Variants in PCDH9 observed in about 807,000 individuals in gnomAD.
PCDH9 encodes protocadherin-9.
Under a neutral mutation model 70.6 loss-of-function variants are expected in PCDH9, and 24 were observed. The observed-to-expected ratio is 0.34, with a 90% CI of 0.25 to 0.48. The LOEUF (loss-of-function observed/expected upper bound fraction) is 0.48, where lower values mean the gene tolerates loss of function less well. Ranked by LOEUF, PCDH9 falls within the 20% of genes least tolerant of loss-of-function variation. The pLI is 0.99. For missense variants in PCDH9, 1,281 were observed against 1,503.6 expected (o/e 0.85, Z 2.45); for synonymous variants, 562 against 558.5 (o/e 1.01, Z -0.09).
At chr13:66,438,159 G>A (rs1046471593) in intron 4 of PCDH9, among the ~76,000 whole-genome samples, 4 of 151,644 alleles carry the variant, frequency 2.6e-5, no homozygotes, top group African/African-American at 7.3e-5. Context: ...GTTTGAAACC[G>A]GGAGGTAGAG....
At chr13:66,701,261 T>A (rs894690614) in intron 3 of PCDH9, among the ~76,000 whole-genome samples, 15 of 150,974 alleles carry the variant, frequency 9.9e-5, no homozygotes, top group Admixed American at 8.6e-4. Flanking sequence ...CAACAACCGT[T>A]TTTGTGTATA....
intron 3 of PCDH9, among the ~76,000 whole-genome samples, chr13:66,745,933 T>C (rs892931459): frequency 2.8e-4 from 43 of 152,196 alleles, no homozygotes; most frequent in African/African-American, 9.2e-4. Context: ...TTAGATCCTT[T>C]CTCTGGCTCC....
chr13:66,723,263 A>C (rs1419135867), intron 3 of PCDH9, among the ~76,000 whole-genome samples: 3 of 152,138 alleles, frequency 2.0e-5, no homozygotes, highest in Non-Finnish European at 4.4e-5. Flanking sequence ...ACAAACAACA[A>C]CAAAAGAGGG....
At chr13:67,075,816 C>CAAT (rs924438107) in intron 2 of PCDH9, among the ~76,000 whole-genome samples, 2 of 151,812 alleles carry the variant, frequency 1.3e-5, no homozygotes, top group African/African-American at 4.8e-5. Flanking sequence ...AAATAAATGA[C>CAAT]AATAATAATA....
chr13:67,002,991 T>G (rs1030681941), intron 2 of PCDH9, among the ~76,000 whole-genome samples: 22 of 152,078 alleles, frequency 1.4e-4, no homozygotes, highest in African/African-American at 5.3e-4. Context: ...TTTAATTTGT[T>G]TGTTTTTAAT....
rs751719876 is a variant in PCDH9 at position 67,228,273 on chromosome 13, T to C, written c.168A>G (p.Thr56=). The C allele has an allele frequency of 2.0e-5, 32 of 1,613,864 alleles. No individual in the cohort carries two copies. In the East Asian group the frequency reaches 7.1e-4, roughly 36 times the overall value. ...DLNISHINAA[T]GTSASLVYRL... ...TGTAGACAAGGCTGGCGCTGGTCCCTGTGGCAGCATTGATGTGAGAAATGT... is the reference window on the plus strand; with the variant it reads ...TGTAGACAAGGCTGGCGCTGGTCCCCGTGGCAGCATTGATGTGAGAAATGT... Residue 56 remains threonine (T), a synonymous_variant, in exon 2 of 5, where the codon ACA becomes ACG. Transcript: ENST00000377865.
chr13:66,743,528 G>T (rs990507307), intron 3 of PCDH9, among the ~76,000 whole-genome samples: 1 of 152,002 alleles, frequency 6.6e-6, no homozygotes, highest in Non-Finnish European at 1.5e-5. Context: ...GTTAGTCAAA[G>T]GATACAAAAT....
At chr13:66,800,969 A>C (rs948161660) in intron 3 of PCDH9, among the ~76,000 whole-genome samples, 1 of 150,432 alleles carries the variant, frequency 6.6e-6, no homozygotes, top group Admixed American at 6.6e-5. Flanking sequence ...ATTGTTATTT[A>C]GTTCAGCTCA....
intron 4 of PCDH9, among the ~76,000 whole-genome samples, chr13:66,535,990 T>C (rs1455261898): frequency 6.6e-6 from 1 of 152,118 alleles, no homozygotes; most frequent in Non-Finnish European, 1.5e-5. Context: ...ATTCTAGCTA[T>C]ATTTGTAATA....
chr13:66,934,253 CG>C (rs2082866432), intron 2 of PCDH9, among the ~76,000 whole-genome samples: 2 of 151,894 alleles, frequency 1.3e-5, no homozygotes, highest in African/African-American at 4.8e-5. Context: ...AAAACTTGCC[CG>C]GGTGCGGTGA....
intron 4 of PCDH9, among the ~76,000 whole-genome samples, chr13:66,366,477 C>T (rs76298856): frequency 0.024 from 3,646 of 152,072 alleles, 138 homozygotes; most frequent in Admixed American, 0.1. Context: ...AAAATGTCCA[C>T]CTAAGTTGAT....
intron 2 of PCDH9, among the ~76,000 whole-genome samples, chr13:67,141,457 T>A (rs1477107607): frequency 6.6e-6 from 1 of 151,944 alleles, no homozygotes; most frequent in Admixed American, 6.6e-5. Flanking sequence ...TATTATTATT[T>A]TTAGATGGAG....
intron 4 of PCDH9, among the ~76,000 whole-genome samples, chr13:66,567,055 T>C (rs1266024279): frequency 6.6e-6 from 1 of 152,006 alleles, no homozygotes; most frequent in African/African-American, 2.4e-5. Context: ...CATTCTTATG[T>C]TTAAAAAAAA....
rs574871063 is a variant in PCDH9 at position 66,753,186 on chromosome 13, G to A, written c.3139-121775C>T. ...TATTTGTCATTTACTTAGAAGTACC[G>A]TAAGTTTTTGCCTTAAACATTTTCA... On this transcript the variant is annotated intron_variant, in intron 3 of 4. Coordinates refer to ENST00000377865, the MANE Select transcript of PCDH9 (RefSeq NM_203487.3). Among the ~76,000 whole-genome samples, 16 of 152,092 alleles carry A rather than the reference G, an allele frequency of 1.1e-4. No homozygotes were observed. The South Asian group carries it at 2.3e-3, about 22-fold the overall frequency.
At chr13:66,899,051 C>T (rs1566276837) in intron 3 of PCDH9, among the ~76,000 whole-genome samples, 1 of 152,016 alleles carries the variant, frequency 6.6e-6, no homozygotes, top group African/African-American at 2.4e-5. Context: ...TCCTCTCACG[C>T]ACCCCTCTTA....
intron 4 of PCDH9, among the ~76,000 whole-genome samples, chr13:66,509,104 T>C (rs1158532208): frequency 2.0e-5 from 3 of 152,212 alleles, no homozygotes; most frequent in African/African-American, 7.2e-5. Flanking sequence ...GGGCATACAC[T>C]GTGACTGAGT....
chr13:67,147,623 G>A (rs1010161479), intron 2 of PCDH9, among the ~76,000 whole-genome samples: 1 of 152,182 alleles, frequency 6.6e-6, no homozygotes, highest in African/African-American at 2.4e-5. Flanking sequence ...AAAACCAGAA[G>A]AAATAATAAC....
chr13:66,747,216 T>C (rs12854023), intron 3 of PCDH9, among the ~76,000 whole-genome samples: 42,559 of 151,836 alleles, frequency 0.28, 6,483 homozygotes, highest in East Asian at 0.45. Context: ...CCAGATATGG[T>C]GGTGTGTGCC....
intron 2 of PCDH9, among the ~76,000 whole-genome samples, chr13:66,963,254 G>A (rs759708453): frequency 6.6e-6 from 1 of 152,140 alleles, no homozygotes; most frequent in Non-Finnish European, 1.5e-5. Flanking sequence ...GACTGGTACC[G>A]GTTCATAGCC....
Sources: gnomAD v4.1 joint callset for allele counts (sites outside exome capture counted in the v4.1 genomes callset) on GRCh38, gnomAD v4.1.1 for gene constraint, MANE v1.5 for transcripts, NCBI Gene and HGNC (gene_info 2026-07-23, HGNC 2026-07-21) for gene names.